Variants in PPP3CA observed in about 807,000 individuals in gnomAD.
PPP3CA encodes the protein protein phosphatase 3 catalytic subunit alpha.
In PPP3CA, 14 loss-of-function variants were observed where a neutral mutation model predicts 66.5. That is an observed-to-expected ratio of 0.21 (90% confidence interval 0.14 to 0.33). The LOEUF (loss-of-function observed/expected upper bound fraction) is 0.33, where lower values mean the gene tolerates loss of function less well. Ranked by LOEUF, PPP3CA falls within the 10% of genes least tolerant of loss-of-function variation. The pLI is 1.00. For synonymous variants in PPP3CA, 232 were observed against 226.2 expected (o/e 1.03, Z -0.23); for missense variants, 317 against 639.5 (o/e 0.50, Z 5.44).
chr4:101,029,489 C>T (rs990827719), intron 12 of PPP3CA, among the ~76,000 whole-genome samples: 1 of 151,280 alleles, frequency 6.6e-6, no homozygotes, highest in Non-Finnish European at 1.5e-5. Context: ...TAGGAAAACA[C>T]TTAGGAAAAT....
rs113653386 is a variant in PPP3CA, at chr4:101,276,887, A to G, written c.58+69852T>C. Among the ~76,000 whole-genome samples the G allele has an allele frequency of 8.9e-3, 1,359 of 152,326 alleles. 19 individuals are homozygous for G. The highest frequency in any genetic ancestry group is 0.031 in the African/African-American group (1,292 of 41,568). On this transcript the variant is annotated intron_variant, in intron 1 of 13. Transcript: ENST00000394854. The stretch of plus-strand genomic sequence containing the variant: ...CAGCGTTGATACGTTATTATTAACT[A>G]AAGCCCACAGTTTACATTGAGGTTC...
intron 1 of PPP3CA, among the ~76,000 whole-genome samples, chr4:101,289,050 A>T (rs1010330324): frequency 1.5e-5 from 2 of 131,924 alleles, no homozygotes; most frequent in East Asian, 3.9e-4. Flanking sequence ...TTTCAATTTT[A>T]AAAAAAAGAA....
At chr4:101,090,774 T>G (rs1362807696) in intron 6 of PPP3CA, among the ~76,000 whole-genome samples, 1 of 151,298 alleles carries the variant, frequency 6.6e-6, no homozygotes, top group Non-Finnish European at 1.5e-5. Flanking sequence ...TCTAAATATA[T>G]TCTATATATT....
At chr4:101,057,454 C>T (rs766008678) in intron 10 of PPP3CA, among the ~76,000 whole-genome samples, 2 of 152,132 alleles carry the variant, frequency 1.3e-5, no homozygotes, top group Non-Finnish European at 2.9e-5. Context: ...ATTTAGAAGT[C>T]ACAGTTACAA....
At chr4:101,105,173 T>C (rs1456805443) in intron 3 of PPP3CA, among the ~76,000 whole-genome samples, 1 of 151,408 alleles carries the variant, frequency 6.6e-6, no homozygotes, top group Non-Finnish European at 1.5e-5. Flanking sequence ...TTTTCCTTTT[T>C]TTTTTTTTCT....
intron 1 of PPP3CA, among the ~76,000 whole-genome samples, chr4:101,340,578 A>C (rs1729782710): frequency 6.6e-6 from 1 of 152,178 alleles, no homozygotes; most frequent in Non-Finnish European, 1.5e-5. Context: ...TTGTTATTTC[A>C]CTTCTCATAT....
At chr4:101,328,569 T>G (rs1729275724) in intron 1 of PPP3CA, among the ~76,000 whole-genome samples, 1 of 152,196 alleles carries the variant, frequency 6.6e-6, no homozygotes, top group South Asian at 2.1e-4. Context: ...AATATGAAAA[T>G]GAATACAGGC....
chr4:101,143,871 G>A (rs1722883909), intron 2 of PPP3CA, among the ~76,000 whole-genome samples: 1 of 152,086 alleles, frequency 6.6e-6, no homozygotes, highest in African/African-American at 2.4e-5. Flanking sequence ...CTCATATTCA[G>A]CCGATTTAAA....
At chr4:101,175,742 A>T (rs1724039489) in intron 2 of PPP3CA, among the ~76,000 whole-genome samples, 1 of 152,176 alleles carries the variant, frequency 6.6e-6, no homozygotes. Context: ...GGTGTATGAA[A>T]CATCTTCTAT....
At chr4:101,238,436 A>T (rs1726196019) in intron 1 of PPP3CA, among the ~76,000 whole-genome samples, 1 of 151,966 alleles carries the variant, frequency 6.6e-6, no homozygotes, top group Non-Finnish European at 1.5e-5. Context: ...TAAATATAAA[A>T]AGCAGTTTAT....
At chr4:101,185,257 A>G (rs1337974687) in intron 2 of PPP3CA, among the ~76,000 whole-genome samples, 2 of 152,116 alleles carry the variant, frequency 1.3e-5, no homozygotes, top group Non-Finnish European at 2.9e-5. Context: ...TTTGATGAGA[A>G]TTTTGAAGAA....
chr4:101,126,047 A>C (rs1194867743), intron 2 of PPP3CA, among the ~76,000 whole-genome samples: 2 of 152,228 alleles, frequency 1.3e-5, no homozygotes, highest in Non-Finnish European at 2.9e-5. Context: ...CAATATTTTT[A>C]AAGGAAAAGC....
chr4:101,194,017 A>C (rs1281312035), intron 2 of PPP3CA, among the ~76,000 whole-genome samples: 1 of 152,198 alleles, frequency 6.6e-6, no homozygotes, highest in Admixed American at 6.5e-5. Context: ...TTGAGAGTTT[A>C]CATATCTACT....
At chr4:101,177,261 T>C (rs1261119409) in intron 2 of PPP3CA, among the ~76,000 whole-genome samples, 1 of 152,160 alleles carries the variant, frequency 6.6e-6, no homozygotes, top group Non-Finnish European at 1.5e-5. Flanking sequence ...AAACCCTGAT[T>C]AGACTAATCA....
intron 1 of PPP3CA, among the ~76,000 whole-genome samples, chr4:101,222,503 C>T (rs983255599): frequency 1.3e-5 from 2 of 151,474 alleles, no homozygotes; most frequent in African/African-American, 2.4e-5. Flanking sequence ...TCTTTCAATT[C>T]TGTGTGTTTA....
chr4:101,292,713 C>A (rs1280946273), intron 1 of PPP3CA, among the ~76,000 whole-genome samples: 1 of 152,146 alleles, frequency 6.6e-6, no homozygotes, highest in Admixed American at 6.5e-5. Context: ...GTAAGTATAG[C>A]TTTTGGTCCT....
chr4:101,203,199 A>C (rs967509701), intron 1 of PPP3CA, among the ~76,000 whole-genome samples: 3 of 152,212 alleles, frequency 2.0e-5, no homozygotes, highest in Admixed American at 6.5e-5. Flanking sequence ...CAGACTAATT[A>C]AATGAATTAT....
chr4:101,061,034 C>G lies in PPP3CA; in HGVS notation c.1156+53G>C, dbSNP rs996731249. The stretch of plus-strand genomic sequence containing the variant: ...TTTATTCTTAGATTTAGCAATGAGA[C>G]TCTAAGTAATTATCTGGCAAATAGC... On this transcript the variant is annotated intron_variant, in intron 10 of 13. Transcript: ENST00000394854. The G allele has an allele frequency of 6.5e-5, 92 of 1,420,898 alleles. 1 individual carries two copies. The South Asian group carries it at 1.0e-3, about 16-fold the overall frequency. 88.0% of individuals were successfully genotyped at this position (1,420,898 alleles called of 1,614,324 possible).
At chr4:101,143,781 C>T (rs1480398963) in intron 2 of PPP3CA, among the ~76,000 whole-genome samples, 1 of 152,180 alleles carries the variant, frequency 6.6e-6, no homozygotes, top group East Asian at 1.9e-4. Flanking sequence ...GTCTCTAAAC[C>T]AGATCTCCCA....
Sources: allele counts gnomAD v4.1 joint callset (sites outside exome capture counted in the v4.1 genomes callset), GRCh38; gene constraint gnomAD v4.1.1; transcripts MANE v1.5; gene names NCBI Gene and HGNC (gene_info 2026-07-23, HGNC 2026-07-21).